The following ADAM22 variants were observed in gnomAD, a reference collection of about 807,000 sequenced individuals.
ADAM22 encodes the protein disintegrin and metalloproteinase domain-containing protein 22.
Under a neutral mutation model 144.6 loss-of-function variants are expected in ADAM22, and 65 were observed. The ratio of observed to expected loss-of-function variants is 0.45; its 90% CI spans 0.37 to 0.55. The LOEUF (loss-of-function observed/expected upper bound fraction) is 0.55. Among genes scored for constraint, ADAM22 ranks in the 20% least tolerant of loss-of-function variants. The probability of loss-of-function intolerance (pLI) is 0.00; values close to 1 mark genes in which losing one functional copy is unlikely to be tolerated. For missense variants in ADAM22, 974 were observed against 1,184.9 expected (o/e 0.82, Z 2.61); for synonymous variants, 391 against 412.6 (o/e 0.95, Z 0.63).
At chr7:88,135,277 CAAAAAAAAAAAAAAAAA>C (rs55721029) in intron 13 of ADAM22, among the ~76,000 whole-genome samples, 1 of 60,478 alleles carries the variant, frequency 1.7e-5, no homozygotes, top group South Asian at 8.5e-4. Context: ...GACTCCATCT[CAAAAAAAAAAAAAAAAA>C]AAAAAAAAAG....
At chr7:88,177,003 G>T (rs1460454230) in intron 26 of ADAM22, among the ~76,000 whole-genome samples, 1 of 152,126 alleles carries the variant, frequency 6.6e-6, no homozygotes, top group East Asian at 1.9e-4. Flanking sequence ...AACCTCAAGT[G>T]ATCTGCCCGC....
chr7:87,958,376 A>G (rs962443796), intron 2 of ADAM22, among the ~76,000 whole-genome samples: 1 of 151,294 alleles, frequency 6.6e-6, no homozygotes, highest in African/African-American at 2.4e-5. Context: ...GTTTTTTTAA[A>G]TTTTTTTTAT....
intron 3 of ADAM22, among the ~76,000 whole-genome samples, chr7:88,071,178 A>G (rs565008637): frequency 1.3e-5 from 2 of 152,272 alleles, no homozygotes; most frequent in Non-Finnish European, 1.5e-5. Flanking sequence ...CAGATCATGG[A>G]AGATAAACTG....
chr7:88,153,357 C>A, intron 21 of ADAM22, 31 bp downstream of exon 21: 1 of 1,558,724 alleles, frequency 6.4e-7, no homozygotes, highest in Non-Finnish European at 8.8e-7. Flanking sequence ...CAGAATTCAT[C>A]CCTTGGTCAA....
chr7:88,153,136 T>C (rs1416287071), intron 20 of ADAM22, 85 bp from the exon 21 acceptor site: 2 of 840,134 alleles, frequency 2.4e-6, no homozygotes, highest in Non-Finnish European at 3.8e-6. Context: ...GAAGAGTCCT[T>C]ATATTACAAT....
Position 88,113,708 on chromosome 7 carries a change from ATAT to A in ADAM22, c.474-875_474-873del, listed in dbSNP as rs1563245797. On this transcript the variant is annotated intron_variant, in intron 5 of 31. Transcript: ENST00000413139. ...ATATTATAAATAAATAAATAAATATATATATATATATATATATATATATATATA... is the reference window on the plus strand; with the variant it reads ...ATATTATAAATAAATAAATAAATATAATATATATATATATATATATATATA... Among the ~76,000 whole-genome samples, 219 of 93,714 alleles carry A rather than the reference ATAT, an allele frequency of 2.3e-3. 3 individuals carry two copies. Among genetic ancestry groups the A allele is most frequent in the Middle Eastern group, 0.01 (2 of 194 alleles). The allele number at this position is 93,714 out of a possible 152,430, so 61.5% of individuals were successfully genotyped here.
chr7:88,101,150 C>T (rs186187348), intron 4 of ADAM22, among the ~76,000 whole-genome samples: 5 of 151,918 alleles, frequency 3.3e-5, no homozygotes, highest in African/African-American at 7.2e-5. Context: ...GAGATTCTGG[C>T]GCAGTTGGTA....
intron 15 of ADAM22, among the ~76,000 whole-genome samples, chr7:88,143,671 A>C (rs748324784): frequency 3.3e-5 from 5 of 152,246 alleles, no homozygotes; most frequent in Non-Finnish European, 7.3e-5. Flanking sequence ...ACTGACTAGA[A>C]AGAAGGTCTT....
At chr7:88,144,625 G>T (rs7810342) in intron 15 of ADAM22, among the ~76,000 whole-genome samples, 1 of 151,816 alleles carries the variant, frequency 6.6e-6, no homozygotes, top group Admixed American at 6.6e-5. Context: ...ACTTAATCCT[G>T]AACAATTTTC....
intron 17 of ADAM22, among the ~76,000 whole-genome samples, chr7:88,147,773 C>T (rs190541774): frequency 1.3e-5 from 2 of 152,296 alleles, no homozygotes; most frequent in African/African-American, 4.8e-5. Context: ...ACATTATGCA[C>T]TCCTCTAAAC....
In ADAM22 at chr7:88,153,332, G is replaced by A. The variant is rs2129526943; in HGVS notation, c.1787+6G>A. ...TGGATACAGTGCAACAAACGGTGAG[G>A]TGGAGACGTCAGCCCAGAATTCATC... On this transcript the variant is annotated splice_donor_region_variant and intron_variant, in intron 21 of 31. Coordinates refer to ENST00000413139, the MANE Select transcript of ADAM22 (RefSeq NM_001324418.2). The A allele has an allele frequency of 2.5e-6, 4 of 1,608,730 alleles. No individual in the cohort carries two copies. The highest frequency in any genetic ancestry group is 1.1e-5 in the South Asian group (1 of 90,364).
rs1847033659 is a variant in ADAM22, at chr7:88,181,584, C to T, written c.2575C>T (p.Pro859Ser). The T allele has an allele frequency of 6.2e-7, 1 of 1,613,596 alleles. No individual in the cohort carries two copies. The highest frequency in any genetic ancestry group is 8.5e-7 in the Non-Finnish European group (1 of 1,179,736). Reference protein sequence around the residue: ...HISDICENGRPRSNSWQGNLG... With the variant: ...HISDICENGRSRSNSWQGNLG... The stretch of plus-strand genomic sequence containing the variant: ...TTCAGACATCTGTGAAAATGGGCGA[C>T]CTCGAAGTAACTCTTGGCAAGGTAG... The change falls in exon 28 of 32, where the codon CCT (proline) becomes TCT (serine). Residue 859 changes from proline to serine, a missense_variant. Pro to Ser is a moderately conservative substitution (Grantham distance 74, BLOSUM62 -1). Coordinates refer to ENST00000413139, the MANE Select transcript of ADAM22 (RefSeq NM_001324418.2).
At position 88,193,129 on chromosome 7, in the gene ADAM22, G is replaced by C; in HGVS notation, c.2764G>C (p.Ala922Pro). ...EGPYFRTLSP[A>P]KSPSSSTGSI... ...TCAACATCTCAGGACTTTATCTCCT[G>C]CCAAGTCTCCTTCTTCATCAACTGG... Residue 922 changes from alanine to proline, a missense_variant, in exon 31 of 32, where the codon GCC becomes CCC. Transcript: ENST00000413139. The C allele has an allele frequency of 6.2e-7, 1 of 1,613,960 alleles. No individual in the cohort carries two copies. The highest frequency in any genetic ancestry group is 8.5e-7 in the Non-Finnish European group (1 of 1,179,916).
At chr7:88,143,158 TA>T (rs763171518) in intron 15 of ADAM22, 33 bp downstream of exon 15, 1 of 1,355,594 alleles carries the variant, frequency 7.4e-7, no homozygotes, top group Non-Finnish European at 1.0e-6. Flanking sequence ...TTTATAATAT[TA>T]ATTATCAACC....
intron 2 of ADAM22, among the ~76,000 whole-genome samples, chr7:87,953,097 C>A (rs548179052): frequency 1.7e-4 from 26 of 151,700 alleles, no homozygotes; most frequent in Non-Finnish European, 2.4e-4. Context: ...CAGCTCCTGG[C>A]TTCATTAATT....
intron 3 of ADAM22, among the ~76,000 whole-genome samples, chr7:88,017,979 C>A (rs541341071): frequency 1.3e-5 from 2 of 152,046 alleles, no homozygotes; most frequent in Non-Finnish European, 2.9e-5. Flanking sequence ...TTCTCGACTC[C>A]CCAAAGACTC....
At chr7:88,028,999 G>A (rs1184520151) in intron 3 of ADAM22, among the ~76,000 whole-genome samples, 1 of 151,510 alleles carries the variant, frequency 6.6e-6, no homozygotes, top group African/African-American at 2.4e-5. Context: ...TTTATTTTTT[G>A]TGGATACATA....
intron 3 of ADAM22, among the ~76,000 whole-genome samples, chr7:88,028,010 C>T (rs1799419176): frequency 6.6e-6 from 1 of 152,106 alleles, no homozygotes; most frequent in African/African-American, 2.4e-5. Context: ...GCCTCGAACT[C>T]CTGACCTCAA....
At chr7:88,194,229 C>T (rs1199746745) in intron 31 of ADAM22, among the ~76,000 whole-genome samples, 2 of 152,174 alleles carry the variant, frequency 1.3e-5, no homozygotes, top group African/African-American at 4.8e-5. Context: ...TTTGTTCCAT[C>T]AAGTTAGGGA....
Sources: gnomAD v4.1 joint callset for allele counts (sites outside exome capture counted in the v4.1 genomes callset) on GRCh38, gnomAD v4.1.1 for gene constraint, MANE v1.5 for transcripts, NCBI Gene and HGNC (gene_info 2026-07-23, HGNC 2026-07-21) for gene names.